Variants in DST observed in about 807,000 individuals in gnomAD.
The protein encoded by DST is dystonin, also known as bullous pemphigoid antigen.
Under a neutral mutation model 875.2 loss-of-function variants are expected in DST, and 253 were observed. The observed-to-expected ratio is 0.29, with a 90% CI of 0.26 to 0.32. The LOEUF is 0.32. Ranked by LOEUF, DST falls within the 10% of genes least tolerant of loss-of-function variation. DST has a pLI of 1.00. For synonymous variants in DST, 3,124 were observed against 3,197.1 expected, an observed-to-expected ratio of 0.98 and a Z score of 0.77; for missense variants, 8,287 against 9,111.6, an observed-to-expected ratio of 0.91 and a Z score of 3.68.
intron 4 of DST, 149 bp from the exon 5 acceptor site, chr6:56,735,438 T>C (rs2099519321): frequency 1.7e-6 from 1 of 602,218 alleles, no homozygotes; most frequent in South Asian, 2.0e-5. Context: ...AACTTCAGGC[T>C]ATCTGTAAGA....
chr6:56,734,233 G>T (rs936955369), intron 5 of DST, among the ~76,000 whole-genome samples: 1 of 152,352 alleles, frequency 6.6e-6, no homozygotes, highest in Middle Eastern at 3.4e-3. Context: ...CTCCCTGAGG[G>T]ATATTATCAG....
intron 4 of DST, among the ~76,000 whole-genome samples, chr6:56,784,494 C>A (rs2099700929): frequency 6.6e-6 from 1 of 152,198 alleles, no homozygotes. Context: ...ATCGCTGATA[C>A]CCTTTCTTCC....
intron 50 of DST, among the ~76,000 whole-genome samples, chr6:56,575,981 G>A (rs1005287225): frequency 6.6e-6 from 1 of 152,106 alleles, no homozygotes; most frequent in African/African-American, 2.4e-5. Context: ...ATGTTGCCAG[G>A]GAATCAACCA....
In DST at chr6:56,517,641, T is replaced by C. The variant is rs757422818; in HGVS notation, c.18130-21A>G. ...TCAAACTAAACAAAAGATAAATAAT[T>C]AGGTCAGCACGTTCCCGTTCCTGAT... is the stretch of plus-strand genomic sequence containing the variant. On this transcript the variant is annotated intron_variant, in intron 69 of 103. Transcript: ENST00000680361. The C allele has an allele frequency of 7.5e-6, 12 of 1,607,488 alleles. No homozygotes were observed. The South Asian group carries it at 1.3e-4, about 18-fold the overall frequency.
At chr6:56,745,606 A>T (rs914837630) in intron 4 of DST, among the ~76,000 whole-genome samples, 1 of 152,224 alleles carries the variant, frequency 6.6e-6, no homozygotes, top group African/African-American at 2.4e-5. Context: ...AAAACTAAAC[A>T]AAACTATCAA....
chr6:56,799,209 G>C (rs1371803528), intron 4 of DST, among the ~76,000 whole-genome samples: 2 of 152,110 alleles, frequency 1.3e-5, no homozygotes, highest in South Asian at 2.1e-4. Context: ...AGCATCACAG[G>C]CTGGCTCCAG....
chr6:56,668,724 T>C (rs2099084532), intron 10 of DST, among the ~76,000 whole-genome samples: 1 of 152,016 alleles, frequency 6.6e-6, no homozygotes, highest in African/African-American at 2.4e-5. Context: ...GCTGAGATCA[T>C]GCCATTGCAC....
intron 2 of DST, among the ~76,000 whole-genome samples, chr6:56,900,868 G>C (rs1212501187): frequency 7.2e-6 from 1 of 138,354 alleles, no homozygotes; most frequent in African/African-American, 2.7e-5. Flanking sequence ...ATTGAGTAAA[G>C]CCAGTCCAAA....
intron 4 of DST, chr6:56,843,168 A>T: frequency 6.5e-7 from 1 of 1,545,194 alleles, no homozygotes. Flanking sequence ...CTAAGCGATG[A>T]CTGACAAATT....
intron 77 of DST, 150 bp from the exon 78 acceptor site, chr6:56,504,248 T>C (rs572083659): frequency 1.0e-5 from 6 of 593,612 alleles, no homozygotes; most frequent in Admixed American, 7.6e-5. Context: ...TCACCTAAAT[T>C]AGTAAAAGCA....
intron 85 of DST, among the ~76,000 whole-genome samples, chr6:56,491,964 A>G (rs1447073712): frequency 1.3e-5 from 2 of 152,242 alleles, no homozygotes; most frequent in African/African-American, 4.8e-5. Context: ...CTGGGCCTCA[A>G]TGATAATAGC....
At chr6:56,493,981 G>T in intron 83 of DST, 29 bp downstream of exon 83, 1 of 1,472,478 alleles carries the variant, frequency 6.8e-7, no homozygotes, top group Non-Finnish European at 9.1e-7. Flanking sequence ...CTAAAACACT[G>T]ATTCTATTAT....
intron 9 of DST, among the ~76,000 whole-genome samples, chr6:56,696,601 C>G (rs2099265482): frequency 6.6e-6 from 1 of 152,154 alleles, no homozygotes; most frequent in South Asian, 2.1e-4. Context: ...CCTCTAAATA[C>G]ACTGCTTCTA....
intron 84 of DST, 112 bp downstream of exon 84, chr6:56,492,822 A>C: frequency 1.0e-6 from 1 of 955,016 alleles, no homozygotes; most frequent in Non-Finnish European, 1.5e-6. Context: ...AAGTAAGCCA[A>C]GATCACACCA....
chr6:56,855,468 C>T (rs954650998), intron 3 of DST, among the ~76,000 whole-genome samples: 19 of 151,974 alleles, frequency 1.3e-4, no homozygotes, highest in Non-Finnish European at 2.4e-4. Flanking sequence ...CAGCAGTCAT[C>T]GGGGTGGGGG....
At chr6:56,590,231 A>G (rs931868710) in intron 49 of DST, among the ~76,000 whole-genome samples, 1 of 152,170 alleles carries the variant, frequency 6.6e-6, no homozygotes, top group South Asian at 2.1e-4. Flanking sequence ...AGCAATTACT[A>G]AATAGGTTTT....
Position 56,573,023 on chromosome 6 carries a change from A to G in DST, c.13278T>C (p.Asn4426=). ...ATTTCTTCACTTTTTCATTCATGGCATTTATACTGCTCTGACGACCTGCAA... is the reference window on the plus strand; with the variant it reads ...ATTTCTTCACTTTTTCATTCATGGCGTTTATACTGCTCTGACGACCTGCAA... ...QDIAGRQSSI[N]AMNEKVKKFM... is the part of the protein sequence containing the mutation. Residue 4426 remains asparagine, a synonymous_variant, in exon 52 of 104, where the codon AAT becomes AAC. Coordinates refer to ENST00000680361, the MANE Select transcript of DST (RefSeq NM_001374736.1). 1 of 1,603,400 alleles carries G rather than the reference A, an allele frequency of 6.2e-7. No individual in the cohort carries two copies. Among genetic ancestry groups the G allele is most frequent in the East Asian group, 2.2e-5 (1 of 44,646 alleles).
At position 56,848,071 on chromosome 6, in the gene DST, A is replaced by G. The variant is rs527737559; in HGVS notation, c.625+3326T>C. On this transcript the variant is annotated intron_variant, in intron 4 of 103. Coordinates refer to ENST00000680361, the MANE Select transcript of DST (RefSeq NM_001374736.1). ...TTCTAGCTATTTTGAAATATACAATATATTATTGCTAACTATAGATATCCT... is the reference window on the plus strand; with the variant it reads ...TTCTAGCTATTTTGAAATATACAATGTATTATTGCTAACTATAGATATCCT... Among the ~76,000 whole-genome samples the G allele has an allele frequency of 8.5e-5, 13 of 152,334 alleles. No homozygotes were observed. The South Asian group carries it at 2.5e-3, about 29-fold the overall frequency.
chr6:56,676,683 C>A (rs2099131877), intron 9 of DST, among the ~76,000 whole-genome samples: 1 of 113,238 alleles, frequency 8.8e-6, no homozygotes, highest in African/African-American at 4.1e-5. Flanking sequence ...CAATACAGTA[C>A]TGATCAGCCT....
Sources: allele counts gnomAD v4.1 joint callset (sites outside exome capture counted in the v4.1 genomes callset), GRCh38; gene constraint gnomAD v4.1.1; transcripts MANE v1.5; gene names NCBI Gene and HGNC (gene_info 2026-07-23, HGNC 2026-07-21).